Variants in SLC25A48 observed in about 807,000 individuals in gnomAD.
The protein encoded by SLC25A48 is solute carrier family 25 member 48, also known as CTC-321K16.1.
Under a neutral mutation model 32.2 loss-of-function variants are expected in SLC25A48, and 29 were observed. That is an observed-to-expected ratio of 0.90 (90% confidence interval 0.67 to 1.23). The LOEUF (loss-of-function observed/expected upper bound fraction) is 1.23, where lower values mean the gene tolerates loss of function less well. SLC25A48 is among the 50% of genes most tolerant of loss of function. The probability of loss-of-function intolerance (pLI) is 0.00; values close to 1 mark genes in which losing one functional copy is unlikely to be tolerated. For missense variants in SLC25A48, 399 were observed against 422.7 expected, an observed-to-expected ratio of 0.94 and a Z score of 0.49; for synonymous variants, 164 against 172.3, an observed-to-expected ratio of 0.95 and a Z score of 0.38.
intron 3 of SLC25A48, among the ~76,000 whole-genome samples, chr5:135,790,761 CT>C (rs1387544549): frequency 6.7e-6 from 1 of 148,744 alleles, no homozygotes; most frequent in East Asian, 2.0e-4. Flanking sequence ...TAGGAAAATG[CT>C]GTACACCATG....
chr5:135,880,040 G>A lies in SLC25A48; in HGVS notation c.886G>A (p.Glu296Lys), dbSNP rs750771424. ...GAGTGCGGCCATGTTCCTTGGGTAC[G>A]AGCTGTCGCTGCAGGCTATCCGCGG... ...PMSAAMFLGY[E>K]LSLQAIRGDH... is the part of the protein sequence containing the mutation. The change falls in exon 7 of 8, where the codon GAG becomes AAG. Residue 296 changes from glutamate to lysine, a missense_variant. Glu to Lys is a moderately conservative substitution (Grantham distance 56, BLOSUM62 1). Coordinates refer to ENST00000681962, the MANE Select transcript of SLC25A48 (RefSeq NM_001349336.2). The A allele has an allele frequency of 2.5e-5, 38 of 1,536,258 alleles. 1 individual carries two copies. The Middle Eastern group carries it at 5.0e-4, about 20-fold the overall frequency.
rs1356589572 is a variant in SLC25A48 at position 135,880,062 on chromosome 5, G to T, written c.908G>T (p.Arg303Leu). The change falls in exon 7 of 8, where the codon CGC becomes CTC. Residue 303 changes from arginine to leucine, a missense_variant. Coordinates refer to ENST00000681962, the MANE Select transcript of SLC25A48 (RefSeq NM_001349336.2). ...LGYELSLQAI[R>L]GDHAVTSP The stretch of plus-strand genomic sequence containing the variant: ...TACGAGCTGTCGCTGCAGGCTATCC[G>T]CGGGGACCACGCAGTGACGAGCCCA... 1 of 1,536,142 alleles carries T rather than the reference G, an allele frequency of 6.5e-7. No homozygotes were observed. The highest frequency in any genetic ancestry group is 1.2e-5 in the South Asian group (1 of 84,054).
At chr5:135,613,052 A>G (rs937505292) in intron 1 of SLC25A48, among the ~76,000 whole-genome samples, 1 of 152,124 alleles carries the variant, frequency 6.6e-6, no homozygotes, top group South Asian at 2.1e-4. Context: ...ACAGTGTATG[A>G]GTACCGTTTT....
chr5:135,829,829 T>C (rs1341578649), upstream of SLC25A48, among the ~76,000 whole-genome samples: 5 of 152,042 alleles, frequency 3.3e-5, no homozygotes, highest in African/African-American at 1.2e-4. Context: ...CACTGACTGC[T>C]GTGTGGCTTT....
At chr5:135,830,950 C>A (rs945097505), upstream of SLC25A48, among the ~76,000 whole-genome samples, 2 of 152,152 alleles carry the variant, frequency 1.3e-5, no homozygotes, top group Non-Finnish European at 2.9e-5. Flanking sequence ...GAAAAAGAAG[C>A]AGGGGTGCCT....
intron 3 of SLC25A48, among the ~76,000 whole-genome samples, chr5:135,777,577 A>G (rs1756598203): frequency 6.6e-6 from 1 of 151,790 alleles, no homozygotes; most frequent in South Asian, 2.1e-4. Context: ...GGAGGATAAT[A>G]TTACTCCCAA....
intron 3 of SLC25A48, among the ~76,000 whole-genome samples, chr5:135,727,783 T>C (rs928517202): frequency 6.6e-6 from 1 of 152,218 alleles, no homozygotes; most frequent in Non-Finnish European, 1.5e-5. Context: ...AATACCACAG[T>C]CTTGATTGCT....
At chr5:135,598,294 G>C (rs917384888) in intron 1 of SLC25A48, among the ~76,000 whole-genome samples, 4 of 152,176 alleles carry the variant, frequency 2.6e-5, no homozygotes, top group Admixed American at 6.5e-5. Flanking sequence ...CCCTTACCCA[G>C]TGGTTCTTCC....
In SLC25A48 at chr5:135,888,126, T is replaced by C. The variant is rs929493969; in HGVS notation, c.*102T>C. On this transcript the variant is annotated 3_prime_UTR_variant, in exon 8 of 8. Coordinates refer to ENST00000681962, the MANE Select transcript of SLC25A48 (RefSeq NM_001349336.2). ...GATGTTTGGCCTTTGGACCTCCAAG[T>C]GGACATCAATTAGCAAGCGTGGGCT... is the stretch of plus-strand genomic sequence containing the variant. 1 of 1,543,422 alleles carries C rather than the reference T, an allele frequency of 6.5e-7. No individual in the cohort carries two copies. The highest frequency in any genetic ancestry group is 1.4e-5 in the African/African-American group (1 of 72,698).
chr5:135,793,700 C>CA (rs1757092444), intron 3 of SLC25A48, among the ~76,000 whole-genome samples: 1 of 151,428 alleles, frequency 6.6e-6, no homozygotes, highest in Non-Finnish European at 1.5e-5. Context: ...TTGTAATATC[C>CA]TGGGGAGATA....
rs576566109 is a variant in SLC25A48, at chr5:135,679,966, G to A, written c.-521+45010G>A. Reference sequence around the variant, plus strand: ...AAGTCTTGGAGCCTTCCCATGGCTAGGATGCAGGTATCTACAGTGGGAACG... The same window carrying A: ...AAGTCTTGGAGCCTTCCCATGGCTAAGATGCAGGTATCTACAGTGGGAACG... On this transcript the variant is annotated intron_variant, in intron 3 of 10. Coordinates refer to the SLC25A48 transcript ENST00000646290. 5.9e-5 allele frequency among the ~76,000 whole-genome samples: 9 copies of A among 152,274 alleles called. No homozygotes were observed. In the South Asian group the frequency reaches 1.9e-3, roughly 32 times the overall value.
At position 135,873,626 on chromosome 5, in the gene SLC25A48, A is replaced by G. The variant is rs567207576; in HGVS notation, c.680-395A>G. 2.6e-5 allele frequency among the ~76,000 whole-genome samples: 4 copies of G among 152,310 alleles called. No individual in the cohort carries two copies. In the South Asian group the frequency reaches 8.3e-4, roughly 32 times the overall value. On this transcript the variant is annotated intron_variant, in intron 5 of 7. Transcript: ENST00000681962. ...TGGGCTCTCTTCTGGTGCCCTGGGAAGGTGCTCCCAAGTACCTGTGGAGCC... is the reference window on the plus strand; with the variant it reads ...TGGGCTCTCTTCTGGTGCCCTGGGAGGGTGCTCCCAAGTACCTGTGGAGCC...
chr5:135,695,961 A>T (rs1205610347), intron 3 of SLC25A48, among the ~76,000 whole-genome samples: 1 of 152,234 alleles, frequency 6.6e-6, no homozygotes, highest in African/African-American at 2.4e-5. Flanking sequence ...CTAACCCAAG[A>T]GGACACAAGT....
At chr5:135,632,910 T>G (rs1265295656) in intron 2 of SLC25A48, among the ~76,000 whole-genome samples, 1 of 152,164 alleles carries the variant, frequency 6.6e-6, no homozygotes, top group Non-Finnish European at 1.5e-5. Flanking sequence ...TAGCGTCTAT[T>G]TTGAGCTGAG....
chr5:135,637,248 G>A (rs987171510), intron 3 of SLC25A48, among the ~76,000 whole-genome samples: 2 of 152,172 alleles, frequency 1.3e-5, no homozygotes, highest in Admixed American at 6.5e-5. Flanking sequence ...CCTTCCTGCT[G>A]GAGTTGAACC....
At chr5:135,828,166 T>A (rs1758112884) in intron 4 of SLC25A48, among the ~76,000 whole-genome samples, 1 of 152,162 alleles carries the variant, frequency 6.6e-6, no homozygotes, top group Non-Finnish European at 1.5e-5. Context: ...CAGGAAAGAT[T>A]TGGTGCAAAA....
intron 3 of SLC25A48, among the ~76,000 whole-genome samples, chr5:135,722,486 C>T (rs1160900316): frequency 1.3e-5 from 2 of 152,280 alleles, no homozygotes; most frequent in South Asian, 2.1e-4. Flanking sequence ...CACCTTGCCA[C>T]GTGTTTACAT....
At chr5:135,754,815 C>T (rs763294466) in intron 3 of SLC25A48, among the ~76,000 whole-genome samples, 2 of 151,680 alleles carry the variant, frequency 1.3e-5, no homozygotes, top group Non-Finnish European at 2.9e-5. Context: ...TTATAAGATC[C>T]AGTGTTTACA....
intron 4 of SLC25A48, among the ~76,000 whole-genome samples, chr5:135,870,773 C>G (rs1327113156): frequency 6.6e-6 from 1 of 152,040 alleles, no homozygotes; most frequent in Non-Finnish European, 1.5e-5. Flanking sequence ...CATGTATTAC[C>G]TTATTTGCAC....
Sources: allele counts gnomAD v4.1 joint callset (sites outside exome capture counted in the v4.1 genomes callset), GRCh38; gene constraint gnomAD v4.1.1; transcripts MANE v1.5; gene names NCBI Gene and HGNC (gene_info 2026-07-23, HGNC 2026-07-21).